PXDNL: variants seen among roughly 807,000 people sequenced by gnomAD.
PXDNL encodes probable oxidoreductase PXDNL.
A neutral mutation model predicts 150.8 loss-of-function variants in PXDNL; 145 were observed. The ratio of observed to expected loss-of-function variants is 0.96; its 90% CI spans 0.84 to 1.10. The LOEUF (loss-of-function observed/expected upper bound fraction) is 1.10, where lower values mean the gene tolerates loss of function less well. PXDNL is among the 50% of genes least tolerant of loss of function. PXDNL has a pLI of 0.00. For missense variants in PXDNL, 2,087 were observed against 1,873.9 expected, an observed-to-expected ratio of 1.11 and a Z score of -2.10; for synonymous variants, 757 against 725.7, an observed-to-expected ratio of 1.04 and a Z score of -0.69.
intron 3 of PXDNL, among the ~76,000 whole-genome samples, chr8:51,567,219 C>G (rs1350319673): frequency 6.6e-6 from 1 of 151,502 alleles, no homozygotes; most frequent in Non-Finnish European, 1.5e-5. Context: ...GGTGAATGTT[C>G]TATGTGAGCT....
intron 2 of PXDNL, among the ~76,000 whole-genome samples, chr8:51,638,588 T>C (rs1197225206): frequency 2.0e-5 from 3 of 151,790 alleles, no homozygotes; most frequent in South Asian, 4.2e-4. Context: ...CCAACAAAGA[T>C]CAAAAGAGAC....
At chr8:51,775,099 A>C (rs2037338415) in intron 1 of PXDNL, among the ~76,000 whole-genome samples, 1 of 152,186 alleles carries the variant, frequency 6.6e-6, no homozygotes, top group Non-Finnish European at 1.5e-5. Context: ...AATACATTGA[A>C]CATATATTTA....
intron 8 of PXDNL, among the ~76,000 whole-genome samples, chr8:51,468,958 T>G (rs1460021259): frequency 6.6e-6 from 1 of 152,044 alleles, no homozygotes; most frequent in Non-Finnish European, 1.5e-5. Context: ...TTTAAAACTT[T>G]CTTTGTTCAA....
In PXDNL at chr8:51,408,697, C is replaced by A; in HGVS notation, c.2927G>T (p.Arg976Leu). 1 of 1,594,618 alleles carries A rather than the reference C, an allele frequency of 6.3e-7. No homozygotes were observed. Among genetic ancestry groups the A allele is most frequent in the East Asian group, 2.3e-5 (1 of 43,778 alleles). The change falls in exon 17 of 23, where the codon CGG becomes CTG. Residue 976 changes from arginine to leucine, a missense_variant. Arg to Leu is a moderately radical substitution (Grantham distance 102). Transcript: ENST00000356297. Reference protein sequence around the residue: ...ALAAMHTLWFREHNRMATELS... With the variant: ...ALAAMHTLWFLEHNRMATELS... ...CTCCGTGGCCATCCTGTTGTGTTCCCGGAACCACAGGGTGTGCATGGCGGC... is the reference window on the plus strand; with the variant it reads ...CTCCGTGGCCATCCTGTTGTGTTCCAGGAACCACAGGGTGTGCATGGCGGC...
At chr8:51,749,683 G>T (rs2037023137) in intron 1 of PXDNL, among the ~76,000 whole-genome samples, 1 of 152,088 alleles carries the variant, frequency 6.6e-6, no homozygotes, top group Non-Finnish European at 1.5e-5. Context: ...GAACACTTCA[G>T]CTACACTAAA....
intron 17 of PXDNL, among the ~76,000 whole-genome samples, chr8:51,379,801 C>G (rs1052723091): frequency 4.0e-5 from 6 of 151,862 alleles, no homozygotes; most frequent in Non-Finnish European, 7.4e-5. Context: ...AGATTTAATT[C>G]CTATATCTAT....
At chr8:51,517,314 G>C (rs1272011932) in intron 4 of PXDNL, among the ~76,000 whole-genome samples, 1 of 152,128 alleles carries the variant, frequency 6.6e-6, no homozygotes, top group African/African-American at 2.4e-5. Flanking sequence ...ATGAAATATA[G>C]ATGCCATATC....
intron 4 of PXDNL, among the ~76,000 whole-genome samples, chr8:51,531,995 T>A (rs931075619): frequency 3.9e-5 from 6 of 152,262 alleles, no homozygotes; most frequent in African/African-American, 1.2e-4. Flanking sequence ...TTCTCTTGAC[T>A]AAATTTTGCT....
chr8:51,568,250 T>G (rs1048177848), intron 3 of PXDNL, among the ~76,000 whole-genome samples: 7 of 151,856 alleles, frequency 4.6e-5, no homozygotes, highest in Non-Finnish European at 7.4e-5. Flanking sequence ...ATCTACATCA[T>G]TTCCCTTCTC....
intron 4 of PXDNL, among the ~76,000 whole-genome samples, chr8:51,534,341 C>T (rs887480375): frequency 1.6e-4 from 24 of 146,358 alleles, no homozygotes; most frequent in Non-Finnish European, 2.2e-4. Context: ...CCACCCCGTC[C>T]GGGAGGGAGG....
chr8:51,365,000 G>T (rs1026369294), intron 19 of PXDNL, among the ~76,000 whole-genome samples: 3 of 152,156 alleles, frequency 2.0e-5, no homozygotes, highest in African/African-American at 2.4e-5. Context: ...GAGTGCAGTG[G>T]CATGATCTCG....
chr8:51,390,894 C>A (rs562692308), intron 17 of PXDNL, among the ~76,000 whole-genome samples: 28 of 152,150 alleles, frequency 1.8e-4, no homozygotes, highest in Non-Finnish European at 2.9e-4. Context: ...ATCCCTCCCC[C>A]CTCCTCCGAC....
At chr8:51,339,902 G>A in intron 20 of PXDNL, 149 bp from the exon 21 acceptor site, 4 of 635,024 alleles carry the variant, frequency 6.3e-6, no homozygotes, top group East Asian at 3.0e-5. Flanking sequence ...TGGTATGAGT[G>A]GAATTCAAAA....
At chr8:51,423,849 G>A (rs796878219) in intron 13 of PXDNL, 118 bp from the exon 14 acceptor site, 1 of 855,218 alleles carries the variant, frequency 1.2e-6, no homozygotes. Flanking sequence ...TTTGCTGTGT[G>A]TCAAGTACTG....
intron 20 of PXDNL, chr8:51,340,004 C>T (rs1586014046): frequency 3.3e-6 from 1 of 305,296 alleles, no homozygotes; most frequent in Non-Finnish European, 6.0e-6. Context: ...TTTCTTATGA[C>T]ATAAAGGAAA....
chr8:51,486,782 ATATATATAT>A (rs1810761907), intron 5 of PXDNL, among the ~76,000 whole-genome samples: 1 of 21,420 alleles, frequency 4.7e-5, no homozygotes, highest in South Asian at 2.6e-3. Context: ...ATATATATAT[ATATATATAT>A]ATATTTTTTT....
chr8:51,598,593 T>C (rs1813625120), intron 2 of PXDNL, among the ~76,000 whole-genome samples: 1 of 152,158 alleles, frequency 6.6e-6, no homozygotes, highest in Non-Finnish European at 1.5e-5. Context: ...ATGAAGCATA[T>C]GTGATCATGG....
rs1053933061 is a variant in PXDNL at position 51,366,549 on chromosome 8, G to A, written c.3901+5324C>T. Among the ~76,000 whole-genome samples the A allele has an allele frequency of 3.9e-5, 6 of 152,204 alleles. No individual in the cohort carries two copies. The East Asian group carries it at 5.8e-4, about 15-fold the overall frequency. On this transcript the variant is annotated intron_variant, in intron 19 of 22. Coordinates refer to ENST00000356297, the MANE Select transcript of PXDNL (RefSeq NM_144651.5). The stretch of plus-strand genomic sequence containing the variant: ...TCTGTATGTGTACACACCTATACAT[G>A]TATACAGACATAGAAGATACGTTTT...
At chr8:51,619,202 T>C (rs1001224503) in intron 2 of PXDNL, among the ~76,000 whole-genome samples, 2 of 152,186 alleles carry the variant, frequency 1.3e-5, no homozygotes, top group African/African-American at 2.4e-5. Context: ...CCAAGGTGGA[T>C]GTAGAAACCA....
Sources: allele counts gnomAD v4.1 joint callset (sites outside exome capture counted in the v4.1 genomes callset), GRCh38; gene constraint gnomAD v4.1.1; transcripts MANE v1.5; gene names NCBI Gene and HGNC (gene_info 2026-07-23, HGNC 2026-07-21).